The following SORCS1 variants were observed in gnomAD, a reference collection of about 807,000 sequenced individuals.
SORCS1 encodes sortilin related VPS10 domain containing receptor 1, also known as VPS10 domain-containing receptor SorCS1.
SORCS1 carries 60 observed loss-of-function variants against 146.1 expected under a neutral mutation model. The observed-to-expected ratio is 0.41, with a 90% CI of 0.33 to 0.51. The LOEUF (loss-of-function observed/expected upper bound fraction) is 0.51. Ranked by LOEUF, SORCS1 falls within the 20% of genes least tolerant of loss-of-function variation. The pLI is 0.21. For missense variants in SORCS1, 1,352 were observed against 1,487.6 expected (o/e 0.91, Z 1.50); for synonymous variants, 637 against 584.0 (o/e 1.09, Z -1.31).
chr10:106,739,855 G>A (rs1039848765), intron 5 of SORCS1, among the ~76,000 whole-genome samples: 14 of 151,874 alleles, frequency 9.2e-5, no homozygotes, highest in African/African-American at 3.4e-4. Flanking sequence ...GGGAGGCTGA[G>A]GCAGGACAAT....
At chr10:106,972,235 A>T (rs1198504676) in intron 1 of SORCS1, among the ~76,000 whole-genome samples, 2 of 152,006 alleles carry the variant, frequency 1.3e-5, no homozygotes, top group African/African-American at 4.8e-5. Flanking sequence ...TACAAAAATT[A>T]GCCGGGCATG....
rs117443169 is a variant in SORCS1, at chr10:107,046,614, T to C, written c.559-90034A>G. On this transcript the variant is annotated intron_variant, in intron 1 of 25. Coordinates refer to ENST00000263054, the MANE Select transcript of SORCS1 (RefSeq NM_052918.5). ...ACTCTTTACACATTGGGCACTGACA[T>C]GAGCCTCATGTACGTCAGAGGGTGG... 4.5e-3 allele frequency among the ~76,000 whole-genome samples: 689 copies of C among 152,256 alleles called. 2 individuals are homozygous for C. Among genetic ancestry groups the C allele is most frequent in the Middle Eastern group, 0.014 (4 of 294 alleles).
chr10:106,999,922 T>C (rs931370306), intron 1 of SORCS1, among the ~76,000 whole-genome samples: 2 of 147,374 alleles, frequency 1.4e-5, no homozygotes, highest in African/African-American at 2.7e-5. Context: ...TGGTTTGTTG[T>C]TTGGAAAAAA....
chr10:107,179,460 T>C, the SORCS1 span, among the ~76,000 whole-genome samples: 1 of 152,198 alleles, frequency 6.6e-6, no homozygotes, highest in Non-Finnish European at 1.5e-5. Context: ...AAGAATGTTA[T>C]ATAAAAAATG....
chr10:106,870,983 T>C (rs1589599536), intron 2 of SORCS1, among the ~76,000 whole-genome samples: 1 of 152,070 alleles, frequency 6.6e-6, no homozygotes, highest in East Asian at 1.9e-4. Flanking sequence ...CCATTATCTA[T>C]AAGAAACTTA....
chr10:106,892,879 AG>A (rs1951288948), intron 2 of SORCS1, among the ~76,000 whole-genome samples: 1 of 147,794 alleles, frequency 6.8e-6, no homozygotes, highest in South Asian at 2.1e-4. Flanking sequence ...GAAAAAAAAG[AG>A]GCATTTGGAA....
At chr10:106,744,694 C>A (rs1156723281) in intron 5 of SORCS1, among the ~76,000 whole-genome samples, 1 of 152,156 alleles carries the variant, frequency 6.6e-6, no homozygotes, top group Admixed American at 6.5e-5. Context: ...AGGTTAGTAG[C>A]CTGCTTACAG....
upstream of SORCS1, among the ~76,000 whole-genome samples, chr10:107,166,109 T>C (rs917540452): frequency 6.6e-6 from 1 of 152,212 alleles, no homozygotes; most frequent in Admixed American, 6.5e-5. Context: ...AGGTACATGT[T>C]ATTACATTAT....
At chr10:107,117,939 A>G (rs536406761) in intron 1 of SORCS1, among the ~76,000 whole-genome samples, 3 of 152,250 alleles carry the variant, frequency 2.0e-5, no homozygotes, top group South Asian at 4.1e-4. Context: ...ATGAATTAAG[A>G]TATTTGTGGC....
chr10:106,725,952 T>G lies in SORCS1; in HGVS notation c.1024+4098A>C, dbSNP rs911935287. ...TCTCAGGAAAAAAAAAAAAAAAAAA[T>G]AGGAAATGAGAAAGAGATAACACAG... On this transcript the variant is annotated intron_variant, in intron 6 of 25. Transcript: ENST00000263054. Among the ~76,000 whole-genome samples, 3 of 125,156 alleles carry G rather than the reference T, an allele frequency of 2.4e-5. 1 individual carries two copies. In the Admixed American group the frequency reaches 2.5e-4, roughly 10 times the overall value. 82.1% of individuals were successfully genotyped at this position (125,156 alleles called of 152,430 possible).
At chr10:106,969,534 C>A (rs1489900705) in intron 1 of SORCS1, among the ~76,000 whole-genome samples, 6 of 152,084 alleles carry the variant, frequency 3.9e-5, no homozygotes, top group Admixed American at 3.9e-4. Flanking sequence ...CAGGACTAGA[C>A]CCAGGTTTTG....
At chr10:106,961,027 T>C (rs1324466363) in intron 1 of SORCS1, among the ~76,000 whole-genome samples, 1 of 152,192 alleles carries the variant, frequency 6.6e-6, no homozygotes, top group Non-Finnish European at 1.5e-5. Flanking sequence ...GAGGAGAATG[T>C]CAATTACATT....
intron 1 of SORCS1, among the ~76,000 whole-genome samples, chr10:107,054,340 T>TA: frequency 6.6e-6 from 1 of 152,266 alleles, no homozygotes; most frequent in South Asian, 2.1e-4. Flanking sequence ...AACATTTTTT[T>TA]AAAAAAGGTA....
chr10:107,012,628 T>C (rs1313457602), intron 1 of SORCS1, among the ~76,000 whole-genome samples: 1 of 152,174 alleles, frequency 6.6e-6, no homozygotes, highest in Non-Finnish European at 1.5e-5. Flanking sequence ...GTCATAGAAC[T>C]AGCTCATGGA....
At chr10:106,893,607 C>T (rs1050784648) in intron 2 of SORCS1, among the ~76,000 whole-genome samples, 1 of 152,160 alleles carries the variant, frequency 6.6e-6, no homozygotes, top group Non-Finnish European at 1.5e-5. Flanking sequence ...CAAATTAAAA[C>T]ATGATGTTGC....
At chr10:107,156,421 A>G (rs1170444017) in intron 1 of SORCS1, among the ~76,000 whole-genome samples, 1 of 151,864 alleles carries the variant, frequency 6.6e-6, no homozygotes. Flanking sequence ...AAGTGAAATC[A>G]TGTGGTGATG....
At position 106,845,246 on chromosome 10, in the gene SORCS1, G is replaced by A. The variant is rs987974975; in HGVS notation, c.627-15573C>T. 2.9e-3 allele frequency among the ~76,000 whole-genome samples: 287 copies of A among 98,612 alleles called. 27 individuals carry two copies. The highest frequency in any genetic ancestry group is 9.9e-3 in the African/African-American group (266 of 26,922). The allele number at this position is 98,612 out of a possible 152,430, so 64.7% of individuals were successfully genotyped here. A position where few individuals can be genotyped will look rare whatever the true frequency, so the allele number is the denominator to read the frequency against. On this transcript the variant is annotated intron_variant, in intron 2 of 25. Transcript: ENST00000263054. ...GTCCACATCCTCTCCAGCACCTGTT[G>A]TTTCCTGACTTTTTAATGATTGCCA...
At chr10:106,775,186 G>A (rs915566007) in intron 4 of SORCS1, among the ~76,000 whole-genome samples, 1 of 152,194 alleles carries the variant, frequency 6.6e-6, no homozygotes, top group African/African-American at 2.4e-5. Flanking sequence ...GCATCGGTGG[G>A]GGGGAATTAA....
At chr10:106,591,137 C>A (rs1016770080) in intron 24 of SORCS1, among the ~76,000 whole-genome samples, 1 of 152,186 alleles carries the variant, frequency 6.6e-6, no homozygotes, top group African/African-American at 2.4e-5. Flanking sequence ...TGCTCTGACA[C>A]TGAAACCATG....
Sources: allele counts gnomAD v4.1 joint callset (sites outside exome capture counted in the v4.1 genomes callset), GRCh38; gene constraint gnomAD v4.1.1; transcripts MANE v1.5; gene names NCBI Gene and HGNC (gene_info 2026-07-23, HGNC 2026-07-21).